The following PLVAP variants were observed in gnomAD, a reference collection of about 807,000 sequenced individuals.
PLVAP encodes the protein plasmalemma vesicle associated protein.
PLVAP carries 34 observed loss-of-function variants against 43.1 expected under a neutral mutation model. That is an observed-to-expected ratio of 0.79 (90% confidence interval 0.60 to 1.05). PLVAP has a LOEUF of 1.05. Among genes scored for constraint, PLVAP ranks in the 50% least tolerant of loss-of-function variants. PLVAP has a pLI of 0.00. For synonymous variants in PLVAP, 241 were observed against 237.3 expected (o/e 1.02, Z -0.14); for missense variants, 574 against 593.4 (o/e 0.97, Z 0.34).
At chr19:17,375,830 G>A (rs1275631021) in intron 1 of PLVAP, among the ~76,000 whole-genome samples, 4 of 150,490 alleles carry the variant, frequency 2.7e-5, no homozygotes, top group African/African-American at 4.9e-5. Flanking sequence ...GCAGTGAGGC[G>A]AGATTGTGCC....
At position 17,365,667 on chromosome 19, in the gene PLVAP, G is replaced by A. The variant is rs779118041; in HGVS notation, c.798C>T (p.Ala266=). 6.2e-7 allele frequency: 1 copy of A among 1,613,724 alleles called. No individual in the cohort carries two copies. The highest frequency in any genetic ancestry group is 1.3e-5 in the African/African-American group (1 of 75,078). The change falls in exon 3 of 6, where the codon GCC becomes GCT. Residue 266 remains alanine, a synonymous_variant. Coordinates refer to ENST00000252590, the MANE Select transcript of PLVAP (RefSeq NM_031310.3). ...TGTGGTCGCAGGCTCTGCGGATGGA[G>A]GCCAATTCCGAGCCCAGGGGATGGT... ...NLYHPLGSEL[A]SIRRACDHMP...
chr19:17,360,959 G>C (rs1173923915), intron 3 of PLVAP, 127 bp from the exon 4 acceptor site: 1 of 846,508 alleles, frequency 1.2e-6, no homozygotes, highest in Non-Finnish European at 1.8e-6. Context: ...TTGTTGCCCA[G>C]GCTGGAGTGC....
intron 5 of PLVAP, among the ~76,000 whole-genome samples, chr19:17,359,693 C>CTTTTTTTTTTTT (rs10617408): frequency 1.7e-4 from 20 of 116,148 alleles, no homozygotes; most frequent in Admixed American, 3.0e-4. Context: ...TACCCGGCCT[C>CTTTTTTTTTTTT]TTTTTTTTTT....
At chr19:17,373,417 C>T (rs975191396) in intron 1 of PLVAP, among the ~76,000 whole-genome samples, 7 of 152,046 alleles carry the variant, frequency 4.6e-5, no homozygotes, top group Non-Finnish European at 8.8e-5. Context: ...TGAGTTCTGC[C>T]TTGAGCAGGA....
chr19:17,369,685 T>C (rs1395789198), intron 1 of PLVAP, among the ~76,000 whole-genome samples: 1 of 145,724 alleles, frequency 6.9e-6, no homozygotes, highest in Non-Finnish European at 1.5e-5. Flanking sequence ...GATATGCAAA[T>C]GGCCAAAGAG....
intron 5 of PLVAP, among the ~76,000 whole-genome samples, chr19:17,354,442 C>T (rs985230271): frequency 6.6e-6 from 1 of 151,716 alleles, no homozygotes; most frequent in Non-Finnish European, 1.5e-5. Flanking sequence ...ACTAAAAATA[C>T]AAAAATTAGC....
chr19:17,354,012 G>C (rs980533586), intron 5 of PLVAP, among the ~76,000 whole-genome samples: 1 of 152,108 alleles, frequency 6.6e-6, no homozygotes, highest in Non-Finnish European at 1.5e-5. Flanking sequence ...CCATACGGCC[G>C]GGCGCGGTGG....
At position 17,369,957 on chromosome 19, in the gene PLVAP, C is replaced by T. The variant is rs1214834125; in HGVS notation, c.370-3762G>A. Among the ~76,000 whole-genome samples the T allele has an allele frequency of 3.6e-5, 5 of 137,542 alleles. No homozygotes were observed. The Admixed American group carries it at 3.9e-4, about 11-fold the overall frequency. 90.2% of individuals were successfully genotyped at this position (137,542 alleles called of 152,430 possible). On this transcript the variant is annotated intron_variant, in intron 1 of 5. Transcript: ENST00000252590. ...GATGGAGGTTGCAGTGAGCCACGAT[C>T]ACACCATTGCACTCCAGCCTGGGTG...
chr19:17,367,766 T>C (rs2074556106), intron 1 of PLVAP, among the ~76,000 whole-genome samples: 1 of 152,098 alleles, frequency 6.6e-6, no homozygotes, highest in Non-Finnish European at 1.5e-5. Flanking sequence ...GCCTCCCAAA[T>C]TGCTGGGATT....
At chr19:17,374,623 C>CT (rs534903523) in intron 1 of PLVAP, among the ~76,000 whole-genome samples, 68 of 151,786 alleles carry the variant, frequency 4.5e-4, no homozygotes, top group African/African-American at 1.2e-3. Flanking sequence ...TCAGTCCATC[C>CT]TTTTTTTGTT....
In PLVAP at chr19:17,374,631, G is replaced by GTTT. The variant is rs531954634; in HGVS notation, c.369+2286_369+2288dup. Among the ~76,000 whole-genome samples the GTTT allele has an allele frequency of 2.2e-3, 326 of 145,758 alleles. 1 individual carries two copies. The highest frequency in any genetic ancestry group is 7.9e-3 in the African/African-American group (317 of 40,010). ...CTTTTATTCAGTCCATCCTTTTTTT[G>GTTT]TTTTTTTTTTTCCATTCAGGGTCTC... is the stretch of plus-strand genomic sequence containing the variant. On this transcript the variant is annotated intron_variant, in intron 1 of 5. Coordinates refer to ENST00000252590, the MANE Select transcript of PLVAP (RefSeq NM_031310.3).
At chr19:17,374,189 G>A (rs1046367498) in intron 1 of PLVAP, among the ~76,000 whole-genome samples, 10 of 151,278 alleles carry the variant, frequency 6.6e-5, no homozygotes, top group Admixed American at 2.0e-4. Context: ...CAAAACAGCC[G>A]GGAACGGTGG....
At chr19:17,374,055 G>C (rs1219368172) in intron 1 of PLVAP, among the ~76,000 whole-genome samples, 1 of 152,074 alleles carries the variant, frequency 6.6e-6, no homozygotes, top group Non-Finnish European at 1.5e-5. Flanking sequence ...CCAGCTACTC[G>C]GGAGGCTGAG....
rs2074487935 is a variant in PLVAP at position 17,352,060 on chromosome 19, G to C, written c.*302C>G. 1 of 471,618 alleles carries C rather than the reference G, an allele frequency of 2.1e-6. No homozygotes were observed. The highest frequency in any genetic ancestry group is 3.9e-6 in the Non-Finnish European group (1 of 258,306). 29.2% of individuals were successfully genotyped at this position (471,618 alleles called of 1,614,324 possible). ...CGTGCTGCATCTGCACGACGCCATC[G>C]CTATATCTCTTCGTGACGTCTACAT... is the stretch of plus-strand genomic sequence containing the variant. On this transcript the variant is annotated 3_prime_UTR_variant, in exon 6 of 6. Coordinates refer to ENST00000252590, the MANE Select transcript of PLVAP (RefSeq NM_031310.3).
chr19:17,359,380 C>T (rs760499224), intron 5 of PLVAP, among the ~76,000 whole-genome samples: 92 of 151,368 alleles, frequency 6.1e-4, no homozygotes, highest in Non-Finnish European at 1.2e-3. Context: ...TCCCAAAGTG[C>T]TGGGATTACA....
chr19:17,356,375 G>A (rs1231865120), intron 5 of PLVAP, among the ~76,000 whole-genome samples: 1 of 152,176 alleles, frequency 6.6e-6, no homozygotes, highest in Non-Finnish European at 1.5e-5. Flanking sequence ...CTGATGTGGG[G>A]CCCTGCGTCG....
At chr19:17,368,666 C>T (rs1226250136) in intron 1 of PLVAP, among the ~76,000 whole-genome samples, 1 of 152,026 alleles carries the variant, frequency 6.6e-6, no homozygotes, top group Non-Finnish European at 1.5e-5. Context: ...GAAGATGCCA[C>T]CTGCAAGCCA....
Position 17,360,590 on chromosome 19 carries a change from C to T in PLVAP, c.1260G>A (p.Glu420=). ...GGGACTCCAGGATCTTCCTCTTGAACTCCTCCAGGCTAGCTGGGTCTGTGG... is the reference window on the plus strand; with the variant it reads ...GGGACTCCAGGATCTTCCTCTTGAATTCCTCCAGGCTAGCTGGGTCTGTGG... ...PQPIDPASLE[E]FKRKILESQR... The change falls in exon 5 of 6, where the codon GAG becomes GAA. Residue 420 remains glutamate, a synonymous_variant. Coordinates refer to ENST00000252590, the MANE Select transcript of PLVAP (RefSeq NM_031310.3). 1.9e-6 allele frequency: 3 copies of T among 1,613,208 alleles called. No homozygotes were observed. The highest frequency in any genetic ancestry group is 2.5e-6 in the Non-Finnish European group (3 of 1,179,540).
chr19:17,363,661 C>T (rs1335987816), intron 3 of PLVAP, among the ~76,000 whole-genome samples: 1 of 151,904 alleles, frequency 6.6e-6, no homozygotes, highest in South Asian at 2.1e-4. Context: ...CAGCCTCAAC[C>T]TCCTGGGCTC....
Sources: allele counts gnomAD v4.1 joint callset (sites outside exome capture counted in the v4.1 genomes callset), GRCh38; gene constraint gnomAD v4.1.1; transcripts MANE v1.5; gene names NCBI Gene and HGNC (gene_info 2026-07-23, HGNC 2026-07-21).